Variants in TRAF3 observed in about 807,000 individuals in gnomAD.
The protein encoded by TRAF3 is TNF receptor-associated factor 3.
Under a neutral mutation model 62.3 loss-of-function variants are expected in TRAF3, and 13 were observed. The observed-to-expected ratio is 0.21, with a 90% CI of 0.14 to 0.33. TRAF3 has a LOEUF of 0.33. TRAF3 is among the 10% of genes least tolerant of loss of function. The pLI is 1.00. For missense variants in TRAF3, 440 were observed against 741.8 expected (o/e 0.59, Z 4.73); for synonymous variants, 269 against 283.4 (o/e 0.95, Z 0.51).
intron 2 of TRAF3, among the ~76,000 whole-genome samples, chr14:102,845,648 T>G (rs1036038506): frequency 1.3e-5 from 2 of 151,750 alleles, no homozygotes; most frequent in African/African-American, 2.4e-5. Flanking sequence ...CCCGAGTAGC[T>G]GGGACTACAG....
At chr14:102,811,419 G>A (rs1899130680) in intron 1 of TRAF3, among the ~76,000 whole-genome samples, 1 of 151,638 alleles carries the variant, frequency 6.6e-6, no homozygotes, top group Non-Finnish European at 1.5e-5. Context: ...ATGAAGTCCT[G>A]GGCTTAAGCA....
chr14:102,874,914 C>A (rs551727082), intron 4 of TRAF3, among the ~76,000 whole-genome samples: 22 of 152,274 alleles, frequency 1.4e-4, no homozygotes, highest in African/African-American at 5.1e-4. Flanking sequence ...GCCTCGGTTT[C>A]CCAAAGTGCT....
intron 9 of TRAF3, among the ~76,000 whole-genome samples, 161 bp from the exon 10 acceptor site, chr14:102,897,100 A>G (rs1271086441): frequency 6.6e-6 from 1 of 152,056 alleles, no homozygotes; most frequent in African/African-American, 2.4e-5. Flanking sequence ...AAAGAAAGAA[A>G]AGTACCAGGA....
rs1408520349 is a variant in TRAF3 at position 102,866,871 on chromosome 14, ACAC to A, written c.-17-3313_-17-3311del. Among the ~76,000 whole-genome samples the A allele has an allele frequency of 6.6e-4, 97 of 147,848 alleles. 1 individual carries two copies. Among genetic ancestry groups the A allele is most frequent in the Non-Finnish European group, 2.1e-4 (14 of 67,236 alleles). On this transcript the variant is annotated intron_variant, in intron 2 of 11. Transcript: ENST00000392745. ...TGAAAACACACACACACACACACAC[ACAC>A]ACACACACACACACACACAAAACAA...
chr14:102,867,434 A>G (rs945776991), intron 2 of TRAF3, among the ~76,000 whole-genome samples: 10 of 152,126 alleles, frequency 6.6e-5, no homozygotes, highest in Non-Finnish European at 1.5e-4. Flanking sequence ...TCCTGGAGAA[A>G]CTTAGTTACA....
intron 2 of TRAF3, among the ~76,000 whole-genome samples, chr14:102,856,097 CAAA>C (rs3070340): frequency 3.2e-5 from 2 of 62,938 alleles, no homozygotes; most frequent in African/African-American, 1.1e-4. Context: ...CCCTGTCTCA[CAAA>C]AAAAAAAAAA....
chr14:102,894,968 C>T (rs768411490), intron 9 of TRAF3: 3 of 403,674 alleles, frequency 7.4e-6, no homozygotes, highest in Non-Finnish European at 1.0e-5. Context: ...TTCCAAAGTG[C>T]TGAGACTACA....
chr14:102,797,358 C>T (rs1898149225), intron 1 of TRAF3, among the ~76,000 whole-genome samples: 1 of 152,156 alleles, frequency 6.6e-6, no homozygotes. Flanking sequence ...TCTCATCAAG[C>T]TTTGACATTC....
rs1897904123 is a variant in TRAF3 at position 102,793,326 on chromosome 14, A to G, written c.-157+15651A>G. Among the ~76,000 whole-genome samples, 3 of 149,884 alleles carry G rather than the reference A, an allele frequency of 2.0e-5. No individual in the cohort carries two copies. In the South Asian group the frequency reaches 6.3e-4, roughly 32 times the overall value. ...CCACCACACCCAGCAAGTTTTGTTC[A>G]TTTTTTTTGTACAGATGAGGTCTCA... On this transcript the variant is annotated intron_variant, in intron 1 of 11. Coordinates refer to ENST00000392745, the MANE Select transcript of TRAF3 (RefSeq NM_145725.3).
At chr14:102,872,048 T>C in intron 4 of TRAF3, 80 bp downstream of exon 4, 3 of 1,448,746 alleles carry the variant, frequency 2.1e-6, no homozygotes, top group East Asian at 2.3e-5. Context: ...CATTCGGCAC[T>C]CTGGCACAAC....
At chr14:102,820,362 A>C (rs1445844146) in intron 1 of TRAF3, among the ~76,000 whole-genome samples, 1 of 151,822 alleles carries the variant, frequency 6.6e-6, no homozygotes, top group Non-Finnish European at 1.5e-5. Flanking sequence ...AACCTTCTGC[A>C]CTTGGGTGCC....
At chr14:102,853,599 C>T (rs932820898) in intron 2 of TRAF3, among the ~76,000 whole-genome samples, 1 of 152,040 alleles carries the variant, frequency 6.6e-6, no homozygotes, top group African/African-American at 2.4e-5. Flanking sequence ...CTTTAGGAGG[C>T]CGAGGCGGGC....
chr14:102,811,656 A>C (rs1013447930), intron 1 of TRAF3, among the ~76,000 whole-genome samples: 1 of 143,700 alleles, frequency 7.0e-6, no homozygotes, highest in African/African-American at 2.6e-5. Context: ...ACAGTCTCTC[A>C]ATTTGACTCT....
intron 2 of TRAF3, among the ~76,000 whole-genome samples, chr14:102,858,878 C>T (rs1206609869): frequency 6.6e-6 from 1 of 152,088 alleles, no homozygotes; most frequent in Non-Finnish European, 1.5e-5. Flanking sequence ...TAATGTTAAA[C>T]CCAATTCTTA....
intron 9 of TRAF3, among the ~76,000 whole-genome samples, chr14:102,893,208 C>G (rs148515519): frequency 0.016 from 2,390 of 151,516 alleles, 30 homozygotes; most frequent in South Asian, 0.066. Context: ...CATGGTGAAA[C>G]CCCGTCTCTA....
intron 1 of TRAF3, among the ~76,000 whole-genome samples, chr14:102,828,032 G>A (rs113306984): frequency 5.9e-5 from 9 of 152,396 alleles, no homozygotes; most frequent in South Asian, 2.1e-4. Context: ...GCGTCGTAGC[G>A]CACAGCGCAC....
chr14:102,904,809 C>CAA (rs36006172), intron 11 of TRAF3, among the ~76,000 whole-genome samples: 34 of 79,980 alleles, frequency 4.3e-4, no homozygotes, highest in Non-Finnish European at 5.0e-4. Context: ...GACTCCATCT[C>CAA]AAAAAAAAAA....
intron 2 of TRAF3, among the ~76,000 whole-genome samples, chr14:102,849,947 G>A (rs1003935831): frequency 3.3e-5 from 5 of 152,184 alleles, no homozygotes; most frequent in South Asian, 2.1e-4. Flanking sequence ...GTCGTGTTTT[G>A]TGCTTTCTTG....
intron 8 of TRAF3, among the ~76,000 whole-genome samples, chr14:102,890,883 G>A (rs956189910): frequency 2.6e-5 from 4 of 152,136 alleles, no homozygotes; most frequent in Non-Finnish European, 5.9e-5. Context: ...CTTTGCTTAC[G>A]TGTTTACTAG....
Sources: allele counts gnomAD v4.1 joint callset (sites outside exome capture counted in the v4.1 genomes callset), GRCh38; gene constraint gnomAD v4.1.1; transcripts MANE v1.5; gene names NCBI Gene and HGNC (gene_info 2026-07-23, HGNC 2026-07-21).